Variants in TAFA2 observed in about 807,000 individuals in gnomAD.
The protein encoded by TAFA2 is chemokine-like protein TAFA-2.
A neutral mutation model predicts 18.8 loss-of-function variants in TAFA2; 7 were observed. That is an observed-to-expected ratio of 0.37 (90% confidence interval 0.21 to 0.70). The LOEUF is 0.70. Ranked by LOEUF, TAFA2 falls within the 30% of genes least tolerant of loss-of-function variation. TAFA2 has a pLI of 0.53. For synonymous variants in TAFA2, 60 were observed against 54.2 expected (o/e 1.11, Z -0.47); for missense variants, 122 against 158.1 (o/e 0.77, Z 1.23).
Position 62,146,572 on chromosome 12 carries a change from T to C in TAFA2, c.-2+44687A>G, listed in dbSNP as rs147746334. Among the ~76,000 whole-genome samples, 216 of 152,302 alleles carry C rather than the reference T, an allele frequency of 1.4e-3. 2 individuals carry two copies. The highest frequency in any genetic ancestry group is 8.2e-4 in the Non-Finnish European group (56 of 68,030). The stretch of plus-strand genomic sequence containing the variant: ...TGGAGGTAGGAAGGCTTCTGGTTCT[T>C]AACCCTGAATGAATTGTATGGCTCC... On this transcript the variant is annotated intron_variant, in intron 1 of 4. Coordinates refer to ENST00000416284, the MANE Select transcript of TAFA2 (RefSeq NM_178539.5).
chr12:62,009,462 A>G (rs1880659768), intron 1 of TAFA2, among the ~76,000 whole-genome samples: 1 of 152,188 alleles, frequency 6.6e-6, no homozygotes, highest in Admixed American at 6.5e-5. Flanking sequence ...CGGACAGAAG[A>G]TATAACATGG....
At chr12:62,150,071 G>A (rs2062316989) in intron 1 of TAFA2, among the ~76,000 whole-genome samples, 1 of 152,184 alleles carries the variant, frequency 6.6e-6, no homozygotes, top group Non-Finnish European at 1.5e-5. Flanking sequence ...AGCAGCAGGG[G>A]ATGGGGCAGG....
intron 1 of TAFA2, among the ~76,000 whole-genome samples, chr12:61,872,129 C>T (rs1014786880): frequency 6.6e-6 from 1 of 151,508 alleles, no homozygotes; most frequent in Non-Finnish European, 1.5e-5. Context: ...CCCATGAAAA[C>T]AGAAAGTAAG....
At chr12:62,167,636 G>A (rs1592378235) in intron 1 of TAFA2, among the ~76,000 whole-genome samples, 1 of 152,258 alleles carries the variant, frequency 6.6e-6, no homozygotes, top group East Asian at 1.9e-4. Context: ...ATCTTTAAAA[G>A]TTCACATATC....
intron 1 of TAFA2, among the ~76,000 whole-genome samples, chr12:62,179,737 CT>C (rs1345840153): frequency 6.6e-6 from 1 of 152,052 alleles, no homozygotes; most frequent in Non-Finnish European, 1.5e-5. Context: ...AGGATTTCCT[CT>C]TTTTTTAGAG....
intron 1 of TAFA2, among the ~76,000 whole-genome samples, chr12:62,005,841 A>C (rs1186898397): frequency 6.6e-6 from 1 of 152,102 alleles, no homozygotes; most frequent in Non-Finnish European, 1.5e-5. Flanking sequence ...CTCAAGTTCG[A>C]TGTCCTTCTG....
In TAFA2 at chr12:61,742,005, T is replaced by C. The variant is rs564100736; in HGVS notation, c.384+11617A>G. Among the ~76,000 whole-genome samples, 7 of 152,208 alleles carry C rather than the reference T, an allele frequency of 4.6e-5. No individual in the cohort carries two copies. In the South Asian group the frequency reaches 1.5e-3, roughly 32 times the overall value. ...TCCACCTCCTGGGTTCAAGCAATTCTCATGCCTCAGCCTCCCGAGGCCGGG... is the reference window on the plus strand; with the variant it reads ...TCCACCTCCTGGGTTCAAGCAATTCCCATGCCTCAGCCTCCCGAGGCCGGG... On this transcript the variant is annotated intron_variant, in intron 4 of 4. Coordinates refer to ENST00000416284, the MANE Select transcript of TAFA2 (RefSeq NM_178539.5).
intron 1 of TAFA2, among the ~76,000 whole-genome samples, chr12:61,910,319 CTTA>C (rs1876556070): frequency 1.3e-5 from 2 of 152,048 alleles, no homozygotes; most frequent in East Asian, 3.9e-4. Flanking sequence ...TTCATATGTT[CTTA>C]GTATGAATTA....
intron 2 of TAFA2, among the ~76,000 whole-genome samples, chr12:61,789,022 C>G (rs1373728744): frequency 6.6e-6 from 1 of 151,776 alleles, no homozygotes; most frequent in Non-Finnish European, 1.5e-5. Context: ...TGTTTAAGTT[C>G]CTTGTAGATT....
chr12:62,088,935 C>T lies in TAFA2; in HGVS notation c.-2+102324G>A, dbSNP rs61920567. 5.7e-3 allele frequency among the ~76,000 whole-genome samples: 859 copies of T among 151,882 alleles called. 6 individuals carry two copies. The highest frequency in any genetic ancestry group is 0.01 in the Middle Eastern group (3 of 294). Reference sequence around the variant, plus strand: ...CTGTGTGTGTGTGTGTGTGCACGCGCGCGCACGCATCTGTCTCACATACAC... The same window carrying T: ...CTGTGTGTGTGTGTGTGTGCACGCGTGCGCACGCATCTGTCTCACATACAC... On this transcript the variant is annotated intron_variant, in intron 1 of 4. Transcript: ENST00000416284.
At chr12:61,771,697 C>CA (rs1870029564) in intron 2 of TAFA2, among the ~76,000 whole-genome samples, 1 of 151,716 alleles carries the variant, frequency 6.6e-6, no homozygotes, top group Non-Finnish European at 1.5e-5. Context: ...AATAGTGACA[C>CA]AACCTAGCAA....
At chr12:62,250,675 T>G (rs958806390) in intron 1 of TAFA2, among the ~76,000 whole-genome samples, 2 of 152,218 alleles carry the variant, frequency 1.3e-5, no homozygotes, top group Admixed American at 1.3e-4. Flanking sequence ...TTGGCCATTC[T>G]CTATGTATCT....
chr12:61,733,455 T>C (rs554997391), intron 4 of TAFA2, among the ~76,000 whole-genome samples: 19 of 152,102 alleles, frequency 1.2e-4, no homozygotes, highest in Non-Finnish European at 1.9e-4. Context: ...TTGTATAAGA[T>C]GTAAGGAAGG....
intron 1 of TAFA2, among the ~76,000 whole-genome samples, chr12:62,056,829 C>A (rs971281663): frequency 6.6e-5 from 10 of 152,156 alleles, no homozygotes; most frequent in Admixed American, 1.3e-4. Context: ...CTACATCAAG[C>A]GTAACAATAA....
At chr12:62,131,949 C>A (rs1870703241) in intron 1 of TAFA2, among the ~76,000 whole-genome samples, 1 of 151,716 alleles carries the variant, frequency 6.6e-6, no homozygotes. Flanking sequence ...ATGGCCAGGT[C>A]AGCTTTTGTA....
At chr12:62,122,240 G>T (rs578196921) in intron 1 of TAFA2, among the ~76,000 whole-genome samples, 1 of 152,216 alleles carries the variant, frequency 6.6e-6, no homozygotes, top group South Asian at 2.1e-4. Flanking sequence ...AAAAGCCCAT[G>T]CTATCTGATT....
At chr12:61,778,551 A>C (rs1238508589) in intron 2 of TAFA2, among the ~76,000 whole-genome samples, 1 of 151,686 alleles carries the variant, frequency 6.6e-6, no homozygotes, top group East Asian at 2.0e-4. Flanking sequence ...CTCATTTACT[A>C]TTTATTAGAT....
intron 2 of TAFA2, among the ~76,000 whole-genome samples, chr12:61,825,068 AG>A (rs1241969110): frequency 6.6e-6 from 1 of 152,188 alleles, no homozygotes; most frequent in African/African-American, 2.4e-5. Flanking sequence ...AGATACATGG[AG>A]GAGAATATTT....
chr12:61,870,113 G>C (rs1874534614), intron 1 of TAFA2, among the ~76,000 whole-genome samples: 1 of 152,174 alleles, frequency 6.6e-6, no homozygotes, highest in South Asian at 2.1e-4. Flanking sequence ...TCAAAGTAAA[G>C]AAAGAAAGGA....
Sources: allele counts gnomAD v4.1 joint callset (sites outside exome capture counted in the v4.1 genomes callset), GRCh38; gene constraint gnomAD v4.1.1; transcripts MANE v1.5; gene names NCBI Gene and HGNC (gene_info 2026-07-23, HGNC 2026-07-21).